The following GABRA2 variants were observed in gnomAD, a reference collection of about 807,000 sequenced individuals.
GABRA2 encodes the protein gamma-aminobutyric acid receptor subunit alpha-2.
GABRA2 carries 16 observed loss-of-function variants against 48.7 expected under a neutral mutation model. That is an observed-to-expected ratio of 0.33 (90% CI 0.22 to 0.50). GABRA2 has a LOEUF of 0.50. GABRA2 is among the 20% of genes least tolerant of loss of function. The pLI, the probability that GABRA2 is intolerant of heterozygous loss-of-function variation, is 0.98. For missense variants in GABRA2, 275 were observed against 535.6 expected (o/e 0.51, Z 4.80); for synonymous variants, 185 against 184.5 (o/e 1.00, Z -0.02).
At chr4:46,310,358 C>T (rs1727430511) in intron 5 of GABRA2, 103 bp from the exon 6 acceptor site, 1 of 673,152 alleles carries the variant, frequency 1.5e-6, no homozygotes, top group African/African-American at 1.8e-5. Context: ...GCATTAATCA[C>T]AGCAGTAGGC....
At chr4:46,329,550 G>A (rs983876356) in intron 4 of GABRA2, among the ~76,000 whole-genome samples, 4 of 152,116 alleles carry the variant, frequency 2.6e-5, no homozygotes, top group Admixed American at 6.6e-5. Context: ...GTCTTAGAGG[G>A]AAAGGGTGTT....
At chr4:46,275,491 C>A (rs1327661340) in intron 8 of GABRA2, among the ~76,000 whole-genome samples, 1 of 152,058 alleles carries the variant, frequency 6.6e-6, no homozygotes, top group Non-Finnish European at 1.5e-5. Flanking sequence ...GCTCCAGGAT[C>A]CCTGCACCTG....
chr4:46,292,715 T>C (rs192736748), intron 8 of GABRA2, among the ~76,000 whole-genome samples: 9 of 152,306 alleles, frequency 5.9e-5, no homozygotes, highest in Admixed American at 6.5e-5. Context: ...CTTGGTTTAA[T>C]GCAGAGGAAG....
intron 8 of GABRA2, among the ~76,000 whole-genome samples, chr4:46,262,991 GGAGA>G (rs1370102899): frequency 6.8e-6 from 1 of 147,728 alleles, no homozygotes; most frequent in African/African-American, 2.5e-5. Flanking sequence ...AGGGAGGGAG[GGAGA>G]GAGAGAAAGA....
Position 46,350,431 on chromosome 4 carries a change from T to C in GABRA2, c.188-17749A>G, listed in dbSNP as rs552337377. Among the ~76,000 whole-genome samples, 8 of 151,990 alleles carry C rather than the reference T, an allele frequency of 5.3e-5. No individual in the cohort carries two copies. In the East Asian group the frequency reaches 1.6e-3, roughly 29 times the overall value. On this transcript the variant is annotated intron_variant, in intron 3 of 9. Transcript: ENST00000381620. ...TTTAAAATTTTCATCTCATTATATGTATGATATATATGTAGGTATATATTA... is the reference window on the plus strand; with the variant it reads ...TTTAAAATTTTCATCTCATTATATGCATGATATATATGTAGGTATATATTA...
rs539146384 is a variant in GABRA2 at position 46,310,330 on chromosome 4, A to G, written c.477-75T>C. 174 of 983,778 alleles carry G rather than the reference A, an allele frequency of 1.8e-4. 1 individual carries two copies. Among genetic ancestry groups the G allele is most frequent in the Admixed American group, 4.4e-4 (25 of 56,424 alleles). 60.9% of individuals were successfully genotyped at this position (983,778 alleles called of 1,614,324 possible). On this transcript the variant is annotated intron_variant, in intron 5 of 9. Coordinates refer to ENST00000381620, the MANE Select transcript of GABRA2 (RefSeq NM_000807.4). The stretch of plus-strand genomic sequence containing the variant: ...AAAATCACTCGTCATTACTCTCAAC[A>G]GACTCGATAGAGGTAGAGCATTAAT...
chr4:46,335,535 G>A (rs568361911), intron 3 of GABRA2, among the ~76,000 whole-genome samples: 76 of 152,186 alleles, frequency 5.0e-4, no homozygotes, highest in African/African-American at 1.8e-3. Context: ...GTGCAGTGGT[G>A]CGATCTCAGC....
chr4:46,257,030 C>T (rs1715977512), intron 9 of GABRA2, among the ~76,000 whole-genome samples: 1 of 151,430 alleles, frequency 6.6e-6, no homozygotes, highest in African/African-American at 2.4e-5. Flanking sequence ...TTTTTATCAA[C>T]TCAATAAGAT....
intron 3 of GABRA2, among the ~76,000 whole-genome samples, chr4:46,378,827 CAA>C (rs113954847): frequency 2.2e-4 from 31 of 138,248 alleles, no homozygotes; most frequent in Non-Finnish European, 2.5e-4. Flanking sequence ...GATTCTGCCT[CAA>C]AAAAAAAAAA....
Position 46,389,994 on chromosome 4 carries a change from G to T in GABRA2, c.-270C>A. On this transcript the variant is annotated 5_prime_UTR_variant, in exon 1 of 10. Transcript: ENST00000381620. The stretch of plus-strand genomic sequence containing the variant: ...GTTCGTAGTGGCGGTGATGGGCGGA[G>T]GAGGAGGAAGAGGAGGAGGAGGAAG... 2 of 980,558 alleles carry T rather than the reference G, an allele frequency of 2.0e-6. No individual in the cohort carries two copies. The highest frequency in any genetic ancestry group is 2.4e-6 in the Non-Finnish European group (2 of 827,426). 60.7% of individuals were successfully genotyped at this position (980,558 alleles called of 1,614,324 possible). A position where few individuals can be genotyped will look rare whatever the true frequency, so the allele number is the denominator to read the frequency against.
chr4:46,305,737 T>C, intron 6 of GABRA2, 26 bp from the exon 7 acceptor site: 1 of 1,561,248 alleles, frequency 6.4e-7, no homozygotes, highest in African/African-American at 1.4e-5. Context: ...AAAAATATTT[T>C]AAGCATTTTA....
chr4:46,330,577 TATATATATATATATAGAGAGAGAG>T (rs1484423616), intron 4 of GABRA2, among the ~76,000 whole-genome samples: 3 of 122,742 alleles, frequency 2.4e-5, no homozygotes, highest in African/African-American at 8.6e-5. Context: ...TATATATATA[TATATATATATATATAGAGAGAGAG>T]AGAGAGAGAT....
At chr4:46,302,717 C>T (rs1725953745) in intron 8 of GABRA2, 1 of 152,204 alleles carries the variant, frequency 6.6e-6, no homozygotes, top group Non-Finnish European at 1.5e-5. Flanking sequence ...GAATAATCCC[C>T]TCCCGTCTTT....
chr4:46,303,354 G>A lies in GABRA2; in HGVS notation c.856+106C>T, dbSNP rs1422738591. 1.2e-5 allele frequency: 13 copies of A among 1,119,000 alleles called. 1 individual carries two copies. Among genetic ancestry groups the A allele is most frequent in the South Asian group, 3.9e-5 (3 of 77,012 alleles). The allele number at this position is 1,119,000 out of a possible 1,614,324, so 69.3% of individuals were successfully genotyped here. ...CTATAAGGCAAAAACAATACTCCCCGCCCCACCTACTACAAATAATTAGTT... is the reference window on the plus strand; with the variant it reads ...CTATAAGGCAAAAACAATACTCCCCACCCCACCTACTACAAATAATTAGTT... On this transcript the variant is annotated intron_variant, in intron 8 of 9. Coordinates refer to ENST00000381620, the MANE Select transcript of GABRA2 (RefSeq NM_000807.4).
chr4:46,379,481 G>A (rs138917908), intron 3 of GABRA2, among the ~76,000 whole-genome samples: 18 of 152,262 alleles, frequency 1.2e-4, no homozygotes, highest in Admixed American at 1.3e-4. Flanking sequence ...ACATACGTGC[G>A]AAATCATCCC....
At chr4:46,340,805 T>C (rs1234140361) in intron 3 of GABRA2, among the ~76,000 whole-genome samples, 1 of 152,004 alleles carries the variant, frequency 6.6e-6, no homozygotes, top group Non-Finnish European at 1.5e-5. Flanking sequence ...TCCTAACCAT[T>C]ATTTCTTTAA....
chr4:46,253,193 T>G (rs1470359883), intron 9 of GABRA2, among the ~76,000 whole-genome samples: 5 of 150,812 alleles, frequency 3.3e-5, no homozygotes, highest in African/African-American at 9.7e-5. Flanking sequence ...GCAACAGGAG[T>G]CTCCAGCTAG....
chr4:46,325,142 T>A (rs1395495820), intron 4 of GABRA2, among the ~76,000 whole-genome samples: 1 of 152,014 alleles, frequency 6.6e-6, no homozygotes, highest in African/African-American at 2.4e-5. Flanking sequence ...TAGTTCTGTT[T>A]TAAGTTCTTT....
At chr4:46,273,468 C>CATATATATATATGCAT (rs1719767077) in intron 8 of GABRA2, among the ~76,000 whole-genome samples, 1 of 43,040 alleles carries the variant, frequency 2.3e-5, no homozygotes, top group Middle Eastern at 0.015. Flanking sequence ...CCATTCATTG[C>CATATATATATATGCAT]ATATATATAT....
Sources: allele counts gnomAD v4.1 joint callset (sites outside exome capture counted in the v4.1 genomes callset), GRCh38; gene constraint gnomAD v4.1.1; transcripts MANE v1.5; gene names NCBI Gene and HGNC (gene_info 2026-07-23, HGNC 2026-07-21).